Variants in TYK2 observed in about 807,000 individuals in gnomAD.
TYK2 encodes the protein tyrosine kinase 2.
TYK2 carries 65 observed loss-of-function variants against 130.9 expected under a neutral mutation model. That is an observed-to-expected ratio of 0.50 (90% CI 0.41 to 0.61). The LOEUF (loss-of-function observed/expected upper bound fraction) is 0.61, where lower values mean the gene tolerates loss of function less well. Among genes scored for constraint, TYK2 ranks in the 20% least tolerant of loss-of-function variants. TYK2 has a pLI of 0.00. For missense variants in TYK2, 1,378 were observed against 1,610.7 expected, an observed-to-expected ratio of 0.86 and a Z score of 2.47; for synonymous variants, 647 against 658.9, an observed-to-expected ratio of 0.98 and a Z score of 0.28.
At chr19:10,357,685 T>C (rs2041168426) in intron 17 of TYK2, 79 bp downstream of exon 17, 3 of 1,541,444 alleles carry the variant, frequency 1.9e-6, no homozygotes, top group Non-Finnish European at 2.6e-6. Flanking sequence ...GGGATGCAGC[T>C]TTGAGCTCTG....
chr19:10,361,960 G>A lies in TYK2; in HGVS notation c.1774-5C>T, dbSNP rs371342324. On this transcript the variant is annotated splice_polypyrimidine_tract_variant and splice_region_variant and intron_variant, in intron 12 of 24. Coordinates refer to ENST00000525621, the MANE Select transcript of TYK2 (RefSeq NM_003331.5). This position sits in a 1 kb window ranked among gnomAD's most constrained non-coding sequence, Gnocchi z 4.0. ...GCCCTGGCCCAAGTGGGACAGCTGC[G>A]GGATCATGTGGCACAGAATACCGCC... is the stretch of plus-strand genomic sequence containing the variant. The A allele has an allele frequency of 6.8e-5, 110 of 1,613,840 alleles. No homozygotes were observed. The African/African-American group carries it at 1.2e-3, about 18-fold the overall frequency.
chr19:10,378,832 TATATCTTATC>T (rs1383608793), intron 2 of TYK2, among the ~76,000 whole-genome samples: 2 of 123,554 alleles, frequency 1.6e-5, no homozygotes, highest in East Asian at 4.5e-4. Context: ...CGTTTTATTT[TATATCTTATC>T]TTATCTTATC....
chr19:10,374,083 A>G (rs1397429724), intron 3 of TYK2, among the ~76,000 whole-genome samples: 2 of 151,912 alleles, frequency 1.3e-5, no homozygotes, highest in Admixed American at 6.6e-5. Context: ...TGGCTAGCAC[A>G]GTGAAACCCT....
chr19:10,354,237 G>C lies in TYK2; in HGVS notation c.2716-3C>G. Reference sequence around the variant, plus strand: ...AAGCTGACCTTGCCGAAGTGACCCTGGTCGGGAGCGCACGAGGGTCAGCTC... The same window carrying C: ...AAGCTGACCTTGCCGAAGTGACCCTCGTCGGGAGCGCACGAGGGTCAGCTC... On this transcript the variant is annotated splice_region_variant and splice_polypyrimidine_tract_variant and intron_variant, in intron 19 of 24. Coordinates refer to ENST00000525621, the MANE Select transcript of TYK2 (RefSeq NM_003331.5). 1 of 1,611,066 alleles carries C rather than the reference G, an allele frequency of 6.2e-7. No homozygotes were observed. Among genetic ancestry groups the C allele is most frequent in the African/African-American group, 1.3e-5 (1 of 75,016 alleles).
Position 10,353,515 on chromosome 19 carries a change from G to A in TYK2, c.3027+13C>T, listed in dbSNP as rs1398295014. Reference sequence around the variant, plus strand: ...AGGGGCAAGCTCCAGAAGCAGGGGCGGGGCCGACCAACCTCGCAGATCTGC... The same window carrying A: ...AGGGGCAAGCTCCAGAAGCAGGGGCAGGGCCGACCAACCTCGCAGATCTGC... On this transcript the variant is annotated intron_variant, in intron 21 of 24. Coordinates refer to ENST00000525621, the MANE Select transcript of TYK2 (RefSeq NM_003331.5). This position sits in a 1 kb window ranked among gnomAD's most constrained non-coding sequence, Gnocchi z 6.9. 1 of 1,490,472 alleles carries A rather than the reference G, an allele frequency of 6.7e-7. No homozygotes were observed. The highest frequency in any genetic ancestry group is 9.0e-7 in the Non-Finnish European group (1 of 1,114,648). 92.3% of individuals were successfully genotyped at this position (1,490,472 alleles called of 1,614,324 possible). A position where few individuals can be genotyped will look rare whatever the true frequency, so the allele number is the denominator to read the frequency against.
intron 1 of TYK2, among the ~76,000 whole-genome samples, 177 bp from the exon 2 acceptor site, chr19:10,379,956 G>C (rs548220957): frequency 5.3e-5 from 8 of 152,242 alleles, no homozygotes; most frequent in African/African-American, 1.9e-4. Context: ...TTTATGTCCA[G>C]CTCCATCCCC....
Position 10,361,366 on chromosome 19 carries a change from T to G in TYK2, c.2047+145A>C. The G allele has an allele frequency of 1.2e-6, 1 of 809,472 alleles. No individual in the cohort carries two copies. The highest frequency in any genetic ancestry group is 2.0e-6 in the Non-Finnish European group (1 of 493,596). 50.1% of individuals were successfully genotyped at this position (809,472 alleles called of 1,614,324 possible). On this transcript the variant is annotated intron_variant, in intron 14 of 24. Coordinates refer to ENST00000525621, the MANE Select transcript of TYK2 (RefSeq NM_003331.5). The surrounding 1 kb of genome is among the most constrained non-coding windows in gnomAD (Gnocchi z 4.0). ...TTGGGGTCTAGGTTGAAGGTCAAGG[T>G]GTAGCCCGGGATCAGAGTACAGGTG...
At chr19:10,377,731 T>A (rs1599368989) in intron 3 of TYK2, among the ~76,000 whole-genome samples, 1 of 24,696 alleles carries the variant, frequency 4.0e-5, no homozygotes, top group African/African-American at 1.7e-4. Context: ...GATGGGTGGA[T>A]GGGTGGGTGG....
chr19:10,351,418 C>T (rs2040798183), intron 23 of TYK2: 7 of 404,762 alleles, frequency 1.7e-5, no homozygotes, highest in South Asian at 1.1e-4. Context: ...ACCTGGGAGG[C>T]GGAGGTTGCA....
At position 10,372,484 on chromosome 19, in the gene TYK2, A is replaced by ATTTTTTT. The variant is rs1170442654; in HGVS notation, c.194-4073_194-4067dup. 2.1e-4 allele frequency among the ~76,000 whole-genome samples: 8 copies of ATTTTTTT among 37,424 alleles called. 1 individual carries two copies. The highest frequency in any genetic ancestry group is 1.1e-3 in the South Asian group (1 of 870). The allele number at this position is 37,424 out of a possible 152,430, so 24.6% of individuals were successfully genotyped here. ...TATATATATATATATATATATATAT[A>ATTTTTTT]TTTTTTTTTTTTTTTTTTTTTTTGA... On this transcript the variant is annotated intron_variant, in intron 3 of 24. Coordinates refer to ENST00000525621, the MANE Select transcript of TYK2 (RefSeq NM_003331.5).
chr19:10,367,996 C>A (rs2041743696), intron 5 of TYK2, 59 bp downstream of exon 5: 1 of 1,596,230 alleles, frequency 6.3e-7, no homozygotes, highest in African/African-American at 1.3e-5. Context: ...GAAATGGGGG[C>A]TCCTCAACTG....
Position 10,353,902 on chromosome 19 carries a change from C to A in TYK2, c.2908+140G>T. The A allele has an allele frequency of 1.0e-6, 1 of 968,564 alleles. No homozygotes were observed. Among genetic ancestry groups the A allele is most frequent in the Non-Finnish European group, 1.6e-6 (1 of 635,724 alleles). The allele number at this position is 968,564 out of a possible 1,614,324, so 60.0% of individuals were successfully genotyped here. ...AAGGAGGCAGCCCAGCCACGCTCAC[C>A]CAGATGCCAAGAACCGCGTACTGCA... On this transcript the variant is annotated intron_variant, in intron 20 of 24. Coordinates refer to ENST00000525621, the MANE Select transcript of TYK2 (RefSeq NM_003331.5). The surrounding 1 kb of genome is among the most constrained non-coding windows in gnomAD (Gnocchi z 6.9).
intron 18 of TYK2, among the ~76,000 whole-genome samples, chr19:10,355,124 C>T (rs2145163390): frequency 6.6e-6 from 1 of 151,032 alleles, no homozygotes; most frequent in East Asian, 2.0e-4. Context: ...ACAGATATTT[C>T]ATAGAGAAAA....
In TYK2 at chr19:10,353,938, G is replaced by T; in HGVS notation, c.2908+104C>A. 1.6e-6 allele frequency: 2 copies of T among 1,242,336 alleles called. No individual in the cohort carries two copies. Among genetic ancestry groups the T allele is most frequent in the Non-Finnish European group, 1.2e-6 (1 of 861,882 alleles). The allele number at this position is 1,242,336 out of a possible 1,614,324, so 77.0% of individuals were successfully genotyped here. A position where few individuals can be genotyped will look rare whatever the true frequency, so the allele number is the denominator to read the frequency against. On this transcript the variant is annotated intron_variant, in intron 20 of 24. Transcript: ENST00000525621. This position sits in a 1 kb window ranked among gnomAD's most constrained non-coding sequence, Gnocchi z 6.9. The stretch of plus-strand genomic sequence containing the variant: ...GAACCGCGTACTGCAGCCTGGGGTT[G>T]AGAGTCTCTAATTGGCTAGGCCAGA...
At position 10,361,947 on chromosome 19, in the gene TYK2, G is replaced by T. The variant is rs1400167058; in HGVS notation, c.1782C>A (p.His594Gln). The stretch of plus-strand genomic sequence containing the variant: ...CGTTGGTCCTTGTGCCCTGGCCCAA[G>T]TGGGACAGCTGCGGGATCATGTGGC... The part of the protein sequence containing the change: ...VDQKEITQLS[H>Q]LGQGTRTNVY... The change falls in exon 13 of 25, where the codon CAC (histidine) becomes CAA (glutamine). Residue 594 changes from histidine to glutamine, a missense_variant. His to Gln is a conservative substitution (Grantham distance 24, BLOSUM62 0). Transcript: ENST00000525621. This position sits in a 1 kb window ranked among gnomAD's most constrained non-coding sequence, Gnocchi z 4.0. 1 of 1,613,938 alleles carries T rather than the reference G, an allele frequency of 6.2e-7. No homozygotes were observed. Among genetic ancestry groups the T allele is most frequent in the African/African-American group, 1.3e-5 (1 of 74,904 alleles).
In TYK2 at chr19:10,362,427, G is replaced by A. The variant is rs559421878; in HGVS notation, c.1506C>T (p.Leu502=). The A allele has an allele frequency of 6.2e-7, 1 of 1,608,222 alleles. No homozygotes were observed. The highest frequency in any genetic ancestry group is 2.2e-5 in the East Asian group (1 of 44,642). ...QAPDGMQSLR[L]RKFPIEQQDG... The stretch of plus-strand genomic sequence containing the variant: ...CCTGCTGCTCAATGGGGAACTTTCG[G>A]AGCCGCAAGCTCTGCATGCCGTCTG... Residue 502 remains leucine (L), a synonymous_variant, in exon 11 of 25, where the codon CTC becomes CTT. Coordinates refer to ENST00000525621, the MANE Select transcript of TYK2 (RefSeq NM_003331.5).
rs56286467 is a variant in TYK2, at chr19:10,354,289, C to G, written c.2716-55G>C. Reference sequence around the variant, plus strand: ...ACCTCCCCAATCCCTGCACCACTCCCCAACCCCCGATTTCCCGGGCCACTC... The same window carrying G: ...ACCTCCCCAATCCCTGCACCACTCCGCAACCCCCGATTTCCCGGGCCACTC... On this transcript the variant is annotated intron_variant, in intron 19 of 24. Transcript: ENST00000525621. 6,026 of 1,591,830 alleles carry G rather than the reference C, an allele frequency of 3.8e-3. 96 individuals carry two copies. In the East Asian group the frequency reaches 0.043, roughly 11 times the overall value.
intron 3 of TYK2, among the ~76,000 whole-genome samples, chr19:10,374,608 C>T (rs2042045652): frequency 7.4e-6 from 1 of 135,034 alleles, no homozygotes; most frequent in Non-Finnish European, 1.6e-5. Flanking sequence ...AAAAAAAAAG[C>T]CGGGCACGGT....
Position 10,350,749 on chromosome 19 carries a change from G to T in TYK2, c.*85C>A. On this transcript the variant is annotated 3_prime_UTR_variant, in exon 25 of 25. Coordinates refer to ENST00000525621, the MANE Select transcript of TYK2 (RefSeq NM_003331.5). The stretch of plus-strand genomic sequence containing the variant: ...TGGGTGAGGCTGACATCCCCCTCTT[G>T]GTTTCATCCTGGAGCAGGGAGCAGG... The T allele has an allele frequency of 1.3e-6, 2 of 1,532,994 alleles. No homozygotes were observed. The highest frequency in any genetic ancestry group is 1.8e-6 in the Non-Finnish European group (2 of 1,121,074). 95.0% of individuals were successfully genotyped at this position (1,532,994 alleles called of 1,614,324 possible).
Sources: allele counts gnomAD v4.1 joint callset (sites outside exome capture counted in the v4.1 genomes callset), GRCh38; gene constraint gnomAD v4.1.1; non-coding constraint Gnocchi (gnomAD v3.1); transcripts MANE v1.5; gene names NCBI Gene and HGNC (gene_info 2026-07-23, HGNC 2026-07-21).